The following OLFM3 variants were observed in gnomAD, a reference collection of about 807,000 sequenced individuals.
OLFM3 encodes noelin-3.
A neutral mutation model predicts 48.6 loss-of-function variants in OLFM3; 20 were observed. The ratio of observed to expected loss-of-function variants is 0.41; its 90% confidence interval spans 0.29 to 0.60. The LOEUF (loss-of-function observed/expected upper bound fraction) is 0.60. OLFM3 is among the 20% of genes least tolerant of loss of function. The pLI is 0.28. For synonymous variants in OLFM3, 222 were observed against 198.1 expected (o/e 1.12, Z -1.01); for missense variants, 437 against 544.3 (o/e 0.80, Z 1.96).
At chr1:101,859,676 T>C (rs569820624) in intron 1 of OLFM3, among the ~76,000 whole-genome samples, 3 of 152,248 alleles carry the variant, frequency 2.0e-5, no homozygotes, top group East Asian at 1.9e-4. Flanking sequence ...GTATTCAAAA[T>C]GTTTTGGATT....
At chr1:101,927,795 A>C (rs1570638295) in intron 1 of OLFM3, among the ~76,000 whole-genome samples, 1 of 149,656 alleles carries the variant, frequency 6.7e-6, no homozygotes, top group Non-Finnish European at 1.5e-5. Flanking sequence ...TATTTTTTCT[A>C]TATATAAGAA....
chr1:101,858,037 G>A (rs564598991), intron 1 of OLFM3, among the ~76,000 whole-genome samples: 49 of 152,140 alleles, frequency 3.2e-4, no homozygotes, highest in African/African-American at 1.1e-3. Flanking sequence ...TTTTAAAGAA[G>A]TTATTGATCT....
At chr1:101,985,544 T>C (rs1252978480) in intron 1 of OLFM3, among the ~76,000 whole-genome samples, 2 of 152,194 alleles carry the variant, frequency 1.3e-5, no homozygotes, top group Non-Finnish European at 1.5e-5. Flanking sequence ...CGGAAACATA[T>C]AGACAGAAGC....
At chr1:101,953,121 C>T (rs1281010145) in intron 1 of OLFM3, among the ~76,000 whole-genome samples, 5 of 152,044 alleles carry the variant, frequency 3.3e-5, no homozygotes, top group Non-Finnish European at 7.4e-5. Context: ...GAAATGATAG[C>T]ATGTCGGACA....
chr1:101,934,979 G>A lies in OLFM3; in HGVS notation c.69+61769C>T, dbSNP rs190956252. On this transcript the variant is annotated intron_variant, in intron 1 of 5. Coordinates refer to ENST00000370103, the MANE Select transcript of OLFM3 (RefSeq NM_058170.4). ...GACACTGCTAAACTGGTATTAAGAG[G>A]GGGAGTTTATGGCATTAAATGCCCA... Among the ~76,000 whole-genome samples the A allele has an allele frequency of 3.1e-4, 47 of 152,116 alleles. 3 individuals carry two copies. The East Asian group carries it at 7.5e-3, about 24-fold the overall frequency.
chr1:101,925,476 AGTGT>A (rs756706376), intron 1 of OLFM3, among the ~76,000 whole-genome samples: 5 of 149,710 alleles, frequency 3.3e-5, no homozygotes, highest in Non-Finnish European at 5.9e-5. Context: ...TGTGTATGTG[AGTGT>A]GTGTGTGTGT....
chr1:101,840,387 A>T (rs1655658864), intron 1 of OLFM3, among the ~76,000 whole-genome samples: 3 of 152,160 alleles, frequency 2.0e-5, no homozygotes, highest in Admixed American at 6.6e-5. Flanking sequence ...TCATGCAGGG[A>T]GTATCAGCCA....
intron 1 of OLFM3, among the ~76,000 whole-genome samples, chr1:101,946,034 C>T (rs1039786918): frequency 1.3e-5 from 2 of 152,168 alleles, no homozygotes; most frequent in Non-Finnish European, 2.9e-5. Flanking sequence ...GTTACTGAGA[C>T]TATCATTTCA....
chr1:101,967,858 G>A (rs1660661934), intron 1 of OLFM3, among the ~76,000 whole-genome samples: 1 of 151,932 alleles, frequency 6.6e-6, no homozygotes, highest in East Asian at 1.9e-4. Context: ...GGTATGTGCA[G>A]GCATTCTTCA....
At chr1:101,927,877 C>G (rs1015273453) in intron 1 of OLFM3, among the ~76,000 whole-genome samples, 18 of 151,666 alleles carry the variant, frequency 1.2e-4, no homozygotes, top group Admixed American at 7.9e-4. Flanking sequence ...AGGAAGTTTT[C>G]TTTCTATGCT....
At chr1:101,818,188 T>C (rs1654425878) in intron 4 of OLFM3, among the ~76,000 whole-genome samples, 1 of 152,136 alleles carries the variant, frequency 6.6e-6, no homozygotes, top group Non-Finnish European at 1.5e-5. Context: ...TCAAACTGAA[T>C]GACAACTTGT....
At chr1:101,847,025 G>T in intron 1 of OLFM3, 2 of 1,557,660 alleles carry the variant, frequency 1.3e-6, no homozygotes, top group Non-Finnish European at 1.7e-6. Flanking sequence ...CCCGGTGCCG[G>T]GCTGGCAGCG....
intron 1 of OLFM3, among the ~76,000 whole-genome samples, chr1:101,949,218 T>C (rs1227445753): frequency 6.6e-6 from 1 of 152,168 alleles, no homozygotes; most frequent in African/African-American, 2.4e-5. Flanking sequence ...GTTCCCTCCC[T>C]ACCTCACTGC....
chr1:101,860,355 G>A (rs557197553), intron 1 of OLFM3, among the ~76,000 whole-genome samples: 17 of 152,098 alleles, frequency 1.1e-4, no homozygotes, highest in South Asian at 6.2e-4. Flanking sequence ...TTGCAACTGC[G>A]TGTTAACTCA....
chr1:101,849,594 G>A, intron 1 of OLFM3, among the ~76,000 whole-genome samples: 1 of 152,208 alleles, frequency 6.6e-6, no homozygotes, highest in East Asian at 1.9e-4. Flanking sequence ...GGATAGGCAG[G>A]CAGGGGCTGC....
At chr1:101,947,920 A>G (rs1184039784) in intron 1 of OLFM3, among the ~76,000 whole-genome samples, 1 of 152,228 alleles carries the variant, frequency 6.6e-6, no homozygotes, top group Admixed American at 6.5e-5. Context: ...TAAGAGCTCC[A>G]TGTTGTCAAT....
chr1:101,959,464 G>A (rs1253354142), intron 1 of OLFM3, among the ~76,000 whole-genome samples: 2 of 151,826 alleles, frequency 1.3e-5, no homozygotes, highest in Non-Finnish European at 2.9e-5. Context: ...GATAATAACA[G>A]GTATCCCTCA....
chr1:101,894,757 G>T (rs770833466), intron 1 of OLFM3, among the ~76,000 whole-genome samples: 3 of 152,018 alleles, frequency 2.0e-5, no homozygotes, highest in Non-Finnish European at 4.4e-5. Context: ...GATTGTAATT[G>T]TATTTCAGTA....
At chr1:101,950,048 A>G (rs1436716034) in intron 1 of OLFM3, among the ~76,000 whole-genome samples, 5 of 139,888 alleles carry the variant, frequency 3.6e-5, no homozygotes, top group African/African-American at 1.3e-4. Flanking sequence ...AAAAAAAAAA[A>G]GAAAAAGCCT....
Sources: gnomAD v4.1 joint callset for allele counts (sites outside exome capture counted in the v4.1 genomes callset) on GRCh38, gnomAD v4.1.1 for gene constraint, MANE v1.5 for transcripts, NCBI Gene and HGNC (gene_info 2026-07-23, HGNC 2026-07-21) for gene names.